ENTHD1: variants seen among roughly 807,000 people sequenced by gnomAD.
ENTHD1 encodes the protein ENTH domain-containing protein 1.
ENTHD1 carries 23 observed loss-of-function variants against 39.1 expected under a neutral mutation model. The observed-to-expected ratio is 0.59, with a 90% CI of 0.42 to 0.83. The LOEUF is 0.83. Among genes scored for constraint, ENTHD1 ranks in the 40% least tolerant of loss-of-function variants. The pLI, the probability that ENTHD1 is intolerant of heterozygous loss-of-function variation, is 0.00. For synonymous variants in ENTHD1, 230 were observed against 258.2 expected, an observed-to-expected ratio of 0.89 and a Z score of 1.05; for missense variants, 624 against 705.4, an observed-to-expected ratio of 0.88 and a Z score of 1.31.
At chr22:39,794,228 C>T (rs139203548) in intron 5 of ENTHD1, among the ~76,000 whole-genome samples, 30 of 152,066 alleles carry the variant, frequency 2.0e-4, no homozygotes, top group Middle Eastern at 3.4e-3. Flanking sequence ...CTACGGTAAA[C>T]GGGATTGTCT....
At chr22:39,853,429 G>A (rs2055644033) in intron 3 of ENTHD1, among the ~76,000 whole-genome samples, 1 of 152,100 alleles carries the variant, frequency 6.6e-6, no homozygotes, top group South Asian at 2.1e-4. Flanking sequence ...CAGCTACTTA[G>A]GAGGCTGAGG....
intron 3 of ENTHD1, among the ~76,000 whole-genome samples, chr22:39,836,592 G>A (rs1320033599): frequency 1.3e-5 from 2 of 152,140 alleles, no homozygotes; most frequent in South Asian, 4.1e-4. Flanking sequence ...TTAGATAAAA[G>A]AACTCAACAC....
intron 6 of ENTHD1, 80 bp downstream of exon 6, chr22:39,765,143 A>G: frequency 2.1e-6 from 3 of 1,444,092 alleles, no homozygotes; most frequent in Non-Finnish European, 2.7e-6. Flanking sequence ...AAAGCAGAGA[A>G]AAGTAAAATA....
intron 5 of ENTHD1, among the ~76,000 whole-genome samples, chr22:39,810,338 C>A (rs1479074420): frequency 6.6e-6 from 1 of 152,160 alleles, no homozygotes; most frequent in African/African-American, 2.4e-5. Flanking sequence ...CACATGAAGT[C>A]TTGGCCTAGG....
intron 4 of ENTHD1, among the ~76,000 whole-genome samples, chr22:39,823,634 T>C (rs952257232): frequency 3.3e-5 from 5 of 152,198 alleles, no homozygotes; most frequent in African/African-American, 9.6e-5. Flanking sequence ...ATTACAGGCA[T>C]GTGCCACTGT....
chr22:39,818,945 T>C (rs2065755763), intron 5 of ENTHD1, among the ~76,000 whole-genome samples: 1 of 152,238 alleles, frequency 6.6e-6, no homozygotes, highest in Non-Finnish European at 1.5e-5. Context: ...TATTCATAAC[T>C]GCCAAAACTG....
chr22:39,766,526 T>C (rs1569131580), intron 5 of ENTHD1, among the ~76,000 whole-genome samples: 1 of 152,174 alleles, frequency 6.6e-6, no homozygotes, highest in Admixed American at 6.5e-5. Flanking sequence ...GTTATTTTTA[T>C]GAGGTTGTGT....
At chr22:39,810,030 A>G (rs1371639191) in intron 5 of ENTHD1, among the ~76,000 whole-genome samples, 2 of 152,182 alleles carry the variant, frequency 1.3e-5, no homozygotes, top group South Asian at 2.1e-4. Context: ...AACTACTGTC[A>G]TTATAGGGGA....
chr22:39,819,355 ACT>A (rs1336800874), intron 5 of ENTHD1, among the ~76,000 whole-genome samples: 1 of 151,402 alleles, frequency 6.6e-6, no homozygotes, highest in Non-Finnish European at 1.5e-5. Flanking sequence ...ACAGAGCGAG[ACT>A]CTGTCTCAAA....
intron 4 of ENTHD1, among the ~76,000 whole-genome samples, chr22:39,834,969 G>T (rs1042480327): frequency 2.0e-4 from 31 of 152,140 alleles, no homozygotes; most frequent in African/African-American, 7.5e-4. Flanking sequence ...GATGAGTTGG[G>T]AGTGGGGTGG....
At chr22:39,799,622 C>T (rs1007598765) in intron 5 of ENTHD1, among the ~76,000 whole-genome samples, 4 of 152,194 alleles carry the variant, frequency 2.6e-5, no homozygotes, top group South Asian at 2.1e-4. Context: ...TCCCCTGCAG[C>T]GTAAGGTGTG....
chr22:39,888,523 G>A (rs1272938225), intron 1 of ENTHD1, among the ~76,000 whole-genome samples: 5 of 151,940 alleles, frequency 3.3e-5, no homozygotes, highest in Non-Finnish European at 5.9e-5. Flanking sequence ...TGCCACCCGG[G>A]TTCAAGCGAT....
At chr22:39,875,876 A>G (rs1191492553) in intron 2 of ENTHD1, 5 of 1,613,856 alleles carry the variant, frequency 3.1e-6, no homozygotes, top group Non-Finnish European at 4.2e-6. Flanking sequence ...ATCACAGTTG[A>G]GGGACCCACA....
chr22:39,815,608 G>A (rs937022389), intron 5 of ENTHD1, among the ~76,000 whole-genome samples: 2 of 152,122 alleles, frequency 1.3e-5, no homozygotes, highest in Admixed American at 6.5e-5. Context: ...ATATCTAACC[G>A]TACGGCAATT....
At chr22:39,786,098 A>G (rs1601593182) in intron 5 of ENTHD1, among the ~76,000 whole-genome samples, 1 of 151,932 alleles carries the variant, frequency 6.6e-6, no homozygotes, top group South Asian at 2.1e-4. Context: ...AGGTTCAGAA[A>G]CCTCCTTTCT....
At chr22:39,752,225 A>T (rs993925578) in intron 6 of ENTHD1, among the ~76,000 whole-genome samples, 1 of 152,204 alleles carries the variant, frequency 6.6e-6, no homozygotes, top group African/African-American at 2.4e-5. Flanking sequence ...GGAATTAGCC[A>T]TAAAAAGCAA....
chr22:39,888,542 C>T (rs1569183777), intron 1 of ENTHD1, among the ~76,000 whole-genome samples: 1 of 152,070 alleles, frequency 6.6e-6, no homozygotes, highest in Non-Finnish European at 1.5e-5. Context: ...ATTATCCTGC[C>T]TCAGCCTCCT....
chr22:39,883,633 A>C (rs2066357305), intron 2 of ENTHD1, among the ~76,000 whole-genome samples: 1 of 152,122 alleles, frequency 6.6e-6, no homozygotes, highest in South Asian at 2.1e-4. Flanking sequence ...GACAGGATCT[A>C]GTATATAGAT....
At chr22:39,771,950 T>C (rs2065329505) in intron 5 of ENTHD1, among the ~76,000 whole-genome samples, 1 of 152,196 alleles carries the variant, frequency 6.6e-6, no homozygotes, top group South Asian at 2.1e-4. Context: ...TAAAAGATTG[T>C]TTTTACTCTT....
Sources: gnomAD v4.1 joint callset for allele counts (sites outside exome capture counted in the v4.1 genomes callset) on GRCh38, gnomAD v4.1.1 for gene constraint, MANE v1.5 for transcripts, NCBI Gene and HGNC (gene_info 2026-07-23, HGNC 2026-07-21) for gene names.